The following TGM7 variants were observed in gnomAD, a reference collection of about 807,000 sequenced individuals.
The protein encoded by TGM7 is transglutaminase 7.
TGM7 carries 74 observed loss-of-function variants against 79.5 expected under a neutral mutation model. The ratio of observed to expected loss-of-function variants is 0.93; its 90% CI spans 0.77 to 1.13. The LOEUF (loss-of-function observed/expected upper bound fraction) is 1.13. Ranked by LOEUF, TGM7 falls within the 50% of genes most tolerant of loss-of-function variation. The pLI is 0.00. For synonymous variants in TGM7, 354 were observed against 362.5 expected (o/e 0.98, Z 0.27); for missense variants, 912 against 905.9 (o/e 1.01, Z -0.09).
At chr15:43,289,515 A>C (rs1269416019) in intron 4 of TGM7, among the ~76,000 whole-genome samples, 1 of 152,196 alleles carries the variant, frequency 6.6e-6, no homozygotes, top group East Asian at 1.9e-4. Context: ...ATTGTGCCGC[A>C]ATAAACATAC....
Position 43,276,346 on chromosome 15 carries a change from C to T in TGM7, c.*109G>A. ...TGTTTCTAACAGAGCTTCATTCATTCCCAGGCAGGCTAGAGAGAGGACAGA... is the reference window on the plus strand; with the variant it reads ...TGTTTCTAACAGAGCTTCATTCATTTCCAGGCAGGCTAGAGAGAGGACAGA... On this transcript the variant is annotated 3_prime_UTR_variant, in exon 13 of 13. Coordinates refer to ENST00000452443, the MANE Select transcript of TGM7 (RefSeq NM_052955.3). 3 of 1,301,490 alleles carry T rather than the reference C, an allele frequency of 2.3e-6. No homozygotes were observed. The allele number at this position is 1,301,490 out of a possible 1,614,324, so 80.6% of individuals were successfully genotyped here.
chr15:43,279,429 G>T, intron 10 of TGM7, 152 bp from the exon 11 acceptor site: 1 of 1,137,448 alleles, frequency 8.8e-7, no homozygotes, highest in Non-Finnish European at 1.2e-6. Context: ...CGCACACACT[G>T]TCCCCAGGGC....
chr15:43,299,575 CACGCT>C (rs1272257945), intron 1 of TGM7, among the ~76,000 whole-genome samples: 1 of 152,188 alleles, frequency 6.6e-6, no homozygotes, highest in Non-Finnish European at 1.5e-5. Context: ...GTGAGGTTGG[CACGCT>C]CTAGGTGGAG....
In TGM7 at chr15:43,292,774, C is replaced by T. The variant is rs138948811; in HGVS notation, c.374G>A (p.Gly125Asp). 29 of 1,614,120 alleles carry T rather than the reference C, an allele frequency of 1.8e-5. No homozygotes were observed. The African/African-American group carries it at 3.6e-4, about 20-fold the overall frequency. Residue 125 changes from glycine to aspartate, a missense_variant, in exon 3 of 13, where the codon GGC becomes GAC. Coordinates refer to ENST00000452443, the MANE Select transcript of TGM7 (RefSeq NM_052955.3). The part of the protein sequence containing the change: ...HYTLKIEISQ[G>D]QGHSVTYPLG... ...CGGGTAAGTCACACTGTGACCTTGG[C>T]CCTGAGAGATCTCTATTTTCAGAGT... is the stretch of plus-strand genomic sequence containing the variant.
intron 1 of TGM7, among the ~76,000 whole-genome samples, chr15:43,295,491 G>A (rs2042987856): frequency 6.6e-6 from 1 of 152,200 alleles, no homozygotes; most frequent in Non-Finnish European, 1.5e-5. Context: ...TTGGGAGGCT[G>A]AGGCGGGAGA....
intron 11 of TGM7, among the ~76,000 whole-genome samples, chr15:43,278,709 C>T (rs1332037173): frequency 6.6e-6 from 1 of 152,222 alleles, no homozygotes. Flanking sequence ...CCGCCTTGGC[C>T]TCCCAAAGCA....
At chr15:43,282,449 TC>T in intron 8 of TGM7, 67 bp downstream of exon 8, 1 of 1,388,016 alleles carries the variant, frequency 7.2e-7, no homozygotes, top group Non-Finnish European at 1.0e-6. Context: ...GGTCTCCTGC[TC>T]CCACGGCCAG....
intron 1 of TGM7, among the ~76,000 whole-genome samples, chr15:43,295,362 G>A (rs1474456211): frequency 6.6e-6 from 1 of 152,212 alleles, no homozygotes; most frequent in Non-Finnish European, 1.5e-5. Flanking sequence ...AGGCCAAGAA[G>A]GGTGAATCAC....
chr15:43,281,770 C>T, intron 9 of TGM7, 74 bp downstream of exon 9: 1 of 1,575,654 alleles, frequency 6.3e-7, no homozygotes, highest in Non-Finnish European at 8.6e-7. Flanking sequence ...ATGGTTTCAA[C>T]TTGGAGCCAT....
chr15:43,287,808 G>A, intron 4 of TGM7, 139 bp from the exon 5 acceptor site: 1 of 959,070 alleles, frequency 1.0e-6, no homozygotes, highest in Non-Finnish European at 1.5e-6. Context: ...TATAAGACAA[G>A]TTCCTGCCTT....
rs1331897470 is a variant in TGM7 at position 43,293,093 on chromosome 15, G to C, written c.194-139C>G. On this transcript the variant is annotated intron_variant, in intron 2 of 12. Transcript: ENST00000452443. ...TTTTACTGCCACCGAGTGTCCTCAG[G>C]CAAACCATTTAAGACCCCCAGGCCT... 4 of 1,259,330 alleles carry C rather than the reference G, an allele frequency of 3.2e-6. No individual in the cohort carries two copies. The African/African-American group carries it at 6.0e-5, about 19-fold the overall frequency. 78.0% of individuals were successfully genotyped at this position (1,259,330 alleles called of 1,614,324 possible).
chr15:43,294,733 G>A (rs2042984096), intron 1 of TGM7, among the ~76,000 whole-genome samples: 1 of 152,194 alleles, frequency 6.6e-6, no homozygotes, highest in Non-Finnish European at 1.5e-5. Context: ...TCCGTGCCCT[G>A]GAGGACATTT....
intron 7 of TGM7, among the ~76,000 whole-genome samples, chr15:43,283,614 A>G (rs1472601207): frequency 4.6e-5 from 7 of 152,282 alleles, no homozygotes; most frequent in African/African-American, 1.7e-4. Flanking sequence ...AGTGGCCCCC[A>G]TTTTGGGCTT....
At chr15:43,288,853 C>A (rs1336337030) in intron 4 of TGM7, among the ~76,000 whole-genome samples, 1 of 152,006 alleles carries the variant, frequency 6.6e-6, no homozygotes, top group Non-Finnish European at 1.5e-5. Context: ...TCACTTGAAC[C>A]CAGGAGGTTG....
intron 9 of TGM7, among the ~76,000 whole-genome samples, chr15:43,280,628 A>T (rs1370733718): frequency 6.6e-6 from 1 of 152,124 alleles, no homozygotes; most frequent in Non-Finnish European, 1.5e-5. Flanking sequence ...CGCCTAAAAA[A>T]AAAACAAAAG....
intron 9 of TGM7, among the ~76,000 whole-genome samples, chr15:43,281,016 G>A (rs2042905331): frequency 6.6e-6 from 1 of 152,192 alleles, no homozygotes; most frequent in Non-Finnish European, 1.5e-5. Flanking sequence ...TTACTGACAG[G>A]CTTCAGTTAT....
At chr15:43,295,692 A>G (rs2042988780) in intron 1 of TGM7, among the ~76,000 whole-genome samples, 1 of 152,252 alleles carries the variant, frequency 6.6e-6, no homozygotes, top group Admixed American at 6.5e-5. Context: ...AATTTCCTTC[A>G]CAATCTAAAA....
chr15:43,291,039 A>G (rs2042961222), intron 4 of TGM7, among the ~76,000 whole-genome samples: 2 of 152,110 alleles, frequency 1.3e-5, no homozygotes, highest in Non-Finnish European at 2.9e-5. Flanking sequence ...TCTTTTCCTA[A>G]TTGAATACCC....
At chr15:43,299,715 T>C (rs1257975764) in intron 1 of TGM7, among the ~76,000 whole-genome samples, 2 of 152,250 alleles carry the variant, frequency 1.3e-5, no homozygotes, top group African/African-American at 4.8e-5. Context: ...TTATTCTAGC[T>C]TCTTTTCTCT....
Sources: gnomAD v4.1 joint callset for allele counts (sites outside exome capture counted in the v4.1 genomes callset) on GRCh38, gnomAD v4.1.1 for gene constraint, MANE v1.5 for transcripts, NCBI Gene and HGNC (gene_info 2026-07-23, HGNC 2026-07-21) for gene names.